TAOK1: variants seen among roughly 807,000 people sequenced by gnomAD.
TAOK1 encodes serine/threonine-protein kinase TAO1.
TAOK1 carries 21 observed loss-of-function variants against 138.3 expected under a neutral mutation model. The ratio of observed to expected loss-of-function variants is 0.15; its 90% CI spans 0.11 to 0.22. The LOEUF is 0.22. TAOK1 is among the 10% of genes least tolerant of loss of function. The probability of loss-of-function intolerance (pLI) is 1.00; values close to 1 mark genes in which losing one functional copy is unlikely to be tolerated. For synonymous variants in TAOK1, 361 were observed against 398.4 expected (o/e 0.91, Z 1.12); for missense variants, 651 against 1,227.7 (o/e 0.53, Z 7.02).
intron 1 of TAOK1, among the ~76,000 whole-genome samples, chr17:29,419,553 T>G (rs908972853): frequency 6.7e-6 from 1 of 150,160 alleles, no homozygotes; most frequent in Admixed American, 6.7e-5. Flanking sequence ...AGTGCAGTGG[T>G]GTGATCAAGG....
chr17:29,425,919 C>T (rs931315786), intron 1 of TAOK1, among the ~76,000 whole-genome samples: 14 of 152,044 alleles, frequency 9.2e-5, no homozygotes, highest in Non-Finnish European at 1.8e-4. Context: ...CTCGCTCTGT[C>T]GCCCAGGCTG....
At chr17:29,473,584 G>A (rs1368890915) in intron 3 of TAOK1, among the ~76,000 whole-genome samples, 3 of 146,564 alleles carry the variant, frequency 2.0e-5, no homozygotes, top group Non-Finnish European at 4.5e-5. Context: ...GGATGGCAGA[G>A]TGAAACTCTC....
chr17:29,443,169 T>A (rs527725640), intron 1 of TAOK1, among the ~76,000 whole-genome samples: 1 of 152,318 alleles, frequency 6.6e-6, no homozygotes, highest in South Asian at 2.1e-4. Context: ...GAAAAGGGCT[T>A]TATAATATTA....
chr17:29,520,874 A>G (rs1393448880), intron 16 of TAOK1, among the ~76,000 whole-genome samples: 1 of 151,852 alleles, frequency 6.6e-6, no homozygotes, highest in East Asian at 2.0e-4. Flanking sequence ...AGATACAAAA[A>G]TTAGCCAGGC....
intron 1 of TAOK1, among the ~76,000 whole-genome samples, chr17:29,448,289 A>G (rs984626485): frequency 1.3e-5 from 2 of 152,068 alleles, no homozygotes; most frequent in African/African-American, 4.8e-5. Flanking sequence ...GGCGCTCTCA[A>G]AAACACATTT....
chr17:29,542,625 G>A lies in TAOK1; in HGVS notation c.2609G>A (p.Arg870His), dbSNP rs775599523. 5 of 1,614,238 alleles carry A rather than the reference G, an allele frequency of 3.1e-6. No homozygotes were observed. The highest frequency in any genetic ancestry group is 2.2e-5 in the South Asian group (2 of 91,086). Residue 870 changes from arginine (R) to histidine (H), a missense_variant, in exon 20 of 20, where the codon CGT (arginine) becomes CAT (histidine). Physicochemically the swap from Arg to His is conservative, Grantham distance 29. This residue lies in a region of TAOK1 where 258 missense variants were observed against 548.9 expected (regional missense o/e 0.47). Transcript: ENST00000261716. ...RTERIRSLLE[R>H]QAREIEAFDS... ...GAACGAATACGAAGCCTGTTGGAAC[G>A]TCAAGCCAGAGAGATTGAAGCTTTT...
intron 17 of TAOK1, among the ~76,000 whole-genome samples, chr17:29,524,083 T>C (rs2031965797): frequency 6.6e-6 from 1 of 152,212 alleles, no homozygotes; most frequent in Non-Finnish European, 1.5e-5. Context: ...TGAATGTGAG[T>C]AAAATTTCAC....
rs550062749 is a variant in TAOK1 at position 29,505,297 on chromosome 17, C to T, written c.1338+2574C>T. Among the ~76,000 whole-genome samples, 5 of 152,248 alleles carry T rather than the reference C, an allele frequency of 3.3e-5. No homozygotes were observed. In the South Asian group the frequency reaches 6.2e-4, roughly 19 times the overall value. ...TTTGAAGAGTTTTTACAATTCTATA[C>T]ACCTGCCTTAACCGTCTGAAACAAG... is the stretch of plus-strand genomic sequence containing the variant. On this transcript the variant is annotated intron_variant, in intron 13 of 19. Coordinates refer to ENST00000261716, the MANE Select transcript of TAOK1 (RefSeq NM_020791.4).
chr17:29,467,124 C>A, intron 2 of TAOK1, 21 bp from the exon 3 acceptor site: 1 of 1,522,124 alleles, frequency 6.6e-7, no homozygotes, highest in South Asian at 1.3e-5. Flanking sequence ...TACAGTGCTT[C>A]TTTCTTTCTT....
intron 8 of TAOK1, 143 bp from the exon 9 acceptor site, chr17:29,489,521 C>T (rs1196898624): frequency 3.0e-5 from 17 of 567,634 alleles, no homozygotes; most frequent in Non-Finnish European, 4.5e-5. Context: ...AAAAAAAGCT[C>T]TTTGAACTCT....
At chr17:29,463,284 C>A (rs1377841147) in intron 2 of TAOK1, among the ~76,000 whole-genome samples, 1 of 151,858 alleles carries the variant, frequency 6.6e-6, no homozygotes, top group Non-Finnish European at 1.5e-5. Context: ...CAAAAATTAA[C>A]CCAGGCCAGG....
chr17:29,520,352 G>T (rs1272284110), intron 16 of TAOK1, among the ~76,000 whole-genome samples: 1 of 152,074 alleles, frequency 6.6e-6, no homozygotes, highest in Non-Finnish European at 1.5e-5. Context: ...CACTTTGGGA[G>T]GTTGAGGTGG....
In TAOK1 at chr17:29,487,246, C is replaced by CAAAAAAA. The variant is rs71138823; in HGVS notation, c.656-2395_656-2389dup. Reference sequence around the variant, plus strand: ...GGGCAACAGAGCGAGACTGTGTCTCCAAAAAAAAAAAAAAAAAAAAAAAAA... The same window carrying CAAAAAAA: ...GGGCAACAGAGCGAGACTGTGTCTCCAAAAAAAAAAAAAAAAAAAAAAAAAAAAAAAA... On this transcript the variant is annotated intron_variant, in intron 8 of 19. Coordinates refer to ENST00000261716, the MANE Select transcript of TAOK1 (RefSeq NM_020791.4). Among the ~76,000 whole-genome samples the CAAAAAAA allele has an allele frequency of 3.0e-3, 267 of 90,262 alleles. 10 individuals are homozygous for CAAAAAAA. Among genetic ancestry groups the CAAAAAAA allele is most frequent in the African/African-American group, 0.013 (248 of 19,796 alleles). The allele number at this position is 90,262 out of a possible 152,430, so 59.2% of individuals were successfully genotyped here.
chr17:29,428,983 A>G (rs1445666975), intron 1 of TAOK1, among the ~76,000 whole-genome samples: 1 of 152,096 alleles, frequency 6.6e-6, no homozygotes, highest in Admixed American at 6.6e-5. Flanking sequence ...CGAGAAGTCA[A>G]TGAGTGTTAA....
Position 29,502,675 on chromosome 17 carries a change from A to G in TAOK1, c.1290A>G (p.Ser430=). The change falls in exon 13 of 20, where the codon TCA becomes TCG. Residue 430 remains serine (S), a synonymous_variant. Transcript: ENST00000261716. The stretch of plus-strand genomic sequence containing the variant: ...CACCCCAAGTATCTCGTCACAAATC[A>G]CACTATCGTAATCGAGAACACTTTG... The part of the protein sequence containing the change: ...QSPPQVSRHK[S]HYRNREHFAT... 6.2e-7 allele frequency: 1 copy of G among 1,613,996 alleles called. No homozygotes were observed. Among genetic ancestry groups the G allele is most frequent in the Non-Finnish European group, 8.5e-7 (1 of 1,179,978 alleles).
chr17:29,491,382 A>T (rs199553826), intron 9 of TAOK1, among the ~76,000 whole-genome samples: 1 of 152,168 alleles, frequency 6.6e-6, no homozygotes, highest in Admixed American at 6.5e-5. Flanking sequence ...GAAACATGCT[A>T]TATAGAAGAA....
intron 2 of TAOK1, among the ~76,000 whole-genome samples, chr17:29,455,409 T>C (rs1355421193): frequency 6.6e-6 from 1 of 150,484 alleles, no homozygotes; most frequent in Non-Finnish European, 1.5e-5. Flanking sequence ...CAGTATTATA[T>C]CATTTGCAAA....
chr17:29,538,033 A>T (rs760720253), intron 19 of TAOK1, among the ~76,000 whole-genome samples: 6 of 150,878 alleles, frequency 4.0e-5, no homozygotes, highest in African/African-American at 7.3e-5. Flanking sequence ...AATCGCTTCA[A>T]CCTGGGAGGC....
chr17:29,393,347 A>G (rs745730258), intron 1 of TAOK1, among the ~76,000 whole-genome samples: 24 of 152,124 alleles, frequency 1.6e-4, no homozygotes, highest in Admixed American at 4.6e-4. Flanking sequence ...TTTACTTGCT[A>G]TATTTCAGCA....
Sources: allele counts gnomAD v4.1 joint callset (sites outside exome capture counted in the v4.1 genomes callset), GRCh38; gene constraint gnomAD v4.1.1; regional missense constraint gnomAD v4.1.1; transcripts MANE v1.5; gene names NCBI Gene and HGNC (gene_info 2026-07-23, HGNC 2026-07-21).